CYP4F2: variants seen among roughly 807,000 people sequenced by gnomAD.
CYP4F2 encodes the protein cytochrome P450 family 4 subfamily F member 2, also known as cytochrome P450 4F2.
CYP4F2 carries 58 observed loss-of-function variants against 58.9 expected under a neutral mutation model. The observed-to-expected ratio is 0.98, with a 90% CI of 0.80 to 1.23. CYP4F2 has a LOEUF of 1.23. Among genes scored for constraint, CYP4F2 ranks in the 50% most tolerant of loss-of-function variants. The pLI is 0.00. For synonymous variants in CYP4F2, 287 were observed against 261.1 expected, an observed-to-expected ratio of 1.10 and a Z score of -0.95; for missense variants, 616 against 685.6, an observed-to-expected ratio of 0.90 and a Z score of 1.13.
chr19:15,894,418 C>T (rs1160697101), intron 3 of CYP4F2, among the ~76,000 whole-genome samples: 2 of 152,094 alleles, frequency 1.3e-5, no homozygotes, highest in African/African-American at 4.8e-5. Context: ...GTGGCCTTTC[C>T]CATAAGAACT....
intron 3 of CYP4F2, 134 bp from the exon 4 acceptor site, chr19:15,892,716 C>A: frequency 7.3e-7 from 1 of 1,370,018 alleles, no homozygotes; most frequent in Non-Finnish European, 1.0e-6. Flanking sequence ...GGGCCAAGGG[C>A]AGAGGAAGAA....
intron 7 of CYP4F2, 107 bp downstream of exon 7, chr19:15,889,316 C>T (rs2089401501): frequency 1.9e-6 from 3 of 1,591,672 alleles, no homozygotes; most frequent in Non-Finnish European, 2.6e-6. Context: ...CCTCAATCAC[C>T]TTCCATGGCT....
At chr19:15,882,876 A>G (rs779452643) in intron 9 of CYP4F2, among the ~76,000 whole-genome samples, 2 of 152,254 alleles carry the variant, frequency 1.3e-5, no homozygotes, top group Non-Finnish European at 2.9e-5. Flanking sequence ...GTGTGAATTC[A>G]TATAAATGTG....
intron 5 of CYP4F2, among the ~76,000 whole-genome samples, chr19:15,891,711 G>A (rs3093141): frequency 0.044 from 6,733 of 152,210 alleles, 468 homozygotes; most frequent in African/African-American, 0.15. Flanking sequence ...TGCCTGCATT[G>A]TGAACCATGG....
chr19:15,896,508 CG>C (rs1289216863), intron 2 of CYP4F2, among the ~76,000 whole-genome samples: 2 of 152,138 alleles, frequency 1.3e-5, no homozygotes, highest in Non-Finnish European at 2.9e-5. Flanking sequence ...GGAGCAGTAT[CG>C]CCTCAGGACA....
chr19:15,878,770 C>G lies in CYP4F2; in HGVS notation c.*1G>C. ...GGGGTCAGAGTGGGTCTCTGCAGAA[C>G]TCAGCTCAGGGGCTCCACCCGCAGC... is the stretch of plus-strand genomic sequence containing the variant. On this transcript the variant is annotated 3_prime_UTR_variant, in exon 13 of 13. Transcript: ENST00000221700. 1.2e-6 allele frequency: 2 copies of G among 1,613,166 alleles called. No homozygotes were observed. Among genetic ancestry groups the G allele is most frequent in the Non-Finnish European group, 1.7e-6 (2 of 1,179,490 alleles).
At chr19:15,893,586 C>G (rs3093134) in intron 3 of CYP4F2, among the ~76,000 whole-genome samples, 27,711 of 152,118 alleles carry the variant, frequency 0.18, 2,725 homozygotes, top group African/African-American at 0.24. Context: ...GAGCAAACAG[C>G]AACAGAGGTT....
chr19:15,889,569 T>A lies in CYP4F2; in HGVS notation c.772A>T (p.Arg258Trp), dbSNP rs1257188453. 6.2e-7 allele frequency: 1 copy of A among 1,614,204 alleles called. No individual in the cohort carries two copies. The highest frequency in any genetic ancestry group is 8.5e-7 in the Non-Finnish European group (1 of 1,180,046). The change falls in exon 7 of 13, where the codon AGG becomes TGG. Residue 258 changes from arginine to tryptophan, a missense_variant. By Grantham distance (101) the Arg-to-Trp change is moderately radical (BLOSUM62 -3). Transcript: ENST00000221700. The part of the protein sequence containing the change: ...YLTPDGQRFR[R>W]ACRLVHDFTD... ...AAGTCGTGCACCAGGCGGCAGGCCC[T>A]GCGGAAACGCTGCCCATCAGGGGTG...
chr19:15,890,551 C>T lies in CYP4F2; in HGVS notation c.526-118G>A. ...GCCTCTTCATCTTCTCCCCAGGGAC[C>T]CCTCCCCAGGGAGCACCAGGTTATG... On this transcript the variant is annotated intron_variant, in intron 5 of 12. Transcript: ENST00000221700. 4 of 1,476,546 alleles carry T rather than the reference C, an allele frequency of 2.7e-6. No individual in the cohort carries two copies. In the East Asian group the frequency reaches 7.0e-5, roughly 26 times the overall value. 91.5% of individuals were successfully genotyped at this position (1,476,546 alleles called of 1,614,324 possible). A position where few individuals can be genotyped will look rare whatever the true frequency, so the allele number is the denominator to read the frequency against.
rs749368089 is a variant in CYP4F2, at chr19:15,886,328, C to CT, written c.919-21_919-20insA. 6.9e-6 allele frequency: 11 copies of CT among 1,596,204 alleles called. No individual in the cohort carries two copies. Among genetic ancestry groups the CT allele is most frequent in the East Asian group, 2.3e-5 (1 of 43,074 alleles). Reference sequence around the variant, plus strand: ...TTCATCCTGGAGAGAAGGCAGTAACCCCCCCCAACCCCCACCCCCATAAAA... The same window carrying CT: ...TTCATCCTGGAGAGAAGGCAGTAACCTCCCCCCAACCCCCACCCCCATAAAA... On this transcript the variant is annotated intron_variant, in intron 7 of 12. Transcript: ENST00000221700.
At chr19:15,884,092 AAGAG>A (rs1009819025) in intron 9 of CYP4F2, among the ~76,000 whole-genome samples, 4 of 151,746 alleles carry the variant, frequency 2.6e-5, no homozygotes, top group Non-Finnish European at 5.9e-5. Flanking sequence ...GAAAGAGAGA[AAGAG>A]AGAGAGGGAG....
intron 9 of CYP4F2, among the ~76,000 whole-genome samples, chr19:15,882,260 A>G (rs2089350620): frequency 1.4e-5 from 2 of 144,038 alleles, no homozygotes; most frequent in African/African-American, 2.5e-5. Flanking sequence ...TGAAAAAAAA[A>G]AGAAAGAAAG....
At chr19:15,897,053 G>T (rs555103405) in intron 2 of CYP4F2, among the ~76,000 whole-genome samples, 2 of 152,204 alleles carry the variant, frequency 1.3e-5, no homozygotes, top group Non-Finnish European at 2.9e-5. Flanking sequence ...GGCAAGGAGA[G>T]GACCCTGGAC....
rs1355243885 is a variant in CYP4F2, at chr19:15,886,236, C to A, written c.985+6G>T. 2 of 1,613,900 alleles carry A rather than the reference C, an allele frequency of 1.2e-6. No individual in the cohort carries two copies. The highest frequency in any genetic ancestry group is 1.3e-5 in the African/African-American group (1 of 74,856). The stretch of plus-strand genomic sequence containing the variant: ...CCCCTCTCTAGCCCCACACTGGGGC[C>A]CTCACCCTCAAACATAAAGGTGTCA... On this transcript the variant is annotated splice_donor_region_variant and intron_variant, in intron 8 of 12. Transcript: ENST00000221700.
intron 3 of CYP4F2, among the ~76,000 whole-genome samples, chr19:15,895,284 C>T (rs569306325): frequency 1.4e-3 from 206 of 152,204 alleles, no homozygotes; most frequent in African/African-American, 4.7e-3. Flanking sequence ...GTTGAGGTCT[C>T]TTAGGGTTCC....
At chr19:15,894,841 C>T (rs780825860) in intron 3 of CYP4F2, among the ~76,000 whole-genome samples, 64 of 152,092 alleles carry the variant, frequency 4.2e-4, no homozygotes, top group Middle Eastern at 3.2e-3. Flanking sequence ...TGGAGATCCC[C>T]GGGACCTGCA....
At chr19:15,885,808 A>C in intron 9 of CYP4F2, 116 bp downstream of exon 9, 1 of 1,463,200 alleles carries the variant, frequency 6.8e-7, no homozygotes, top group Non-Finnish European at 9.2e-7. Flanking sequence ...CTCTGCTCCT[A>C]TTCCCACTAG....
In CYP4F2 at chr19:15,879,793, A is replaced by G; in HGVS notation, c.1220T>C (p.Val407Ala). Residue 407 changes from valine (V) to alanine (A), a missense_variant, in exon 10 of 13, where the codon GTG (valine) becomes GCG (alanine). Physicochemically the swap from Val to Ala is moderately conservative, Grantham distance 64. Coordinates refer to ENST00000221700, the MANE Select transcript of CYP4F2 (RefSeq NM_001082.5). ...VISRHVTQDI[V>A]LPDGRVIPKG... is the part of the protein sequence containing the mutation. ...GGGGATGACCCGGCCGTCTGGGAGC[A>G]CAATGTCCTGGGTGACATGGCGGGA... The G allele has an allele frequency of 4.3e-6, 7 of 1,614,178 alleles. No homozygotes were observed. Among genetic ancestry groups the G allele is most frequent in the Non-Finnish European group, 5.9e-6 (7 of 1,180,030 alleles).
chr19:15,893,395 C>T (rs1047413484), intron 3 of CYP4F2, among the ~76,000 whole-genome samples: 1 of 152,166 alleles, frequency 6.6e-6, no homozygotes, highest in Non-Finnish European at 1.5e-5. Flanking sequence ...CCCTCACATG[C>T]CCCAAATGTC....
Sources: gnomAD v4.1 joint callset for allele counts (sites outside exome capture counted in the v4.1 genomes callset) on GRCh38, gnomAD v4.1.1 for gene constraint, MANE v1.5 for transcripts, NCBI Gene and HGNC (gene_info 2026-07-23, HGNC 2026-07-21) for gene names.